Variants in UROC1 observed in about 807,000 individuals in gnomAD.
The protein encoded by UROC1 is urocanate hydratase 1.
A neutral mutation model predicts 89.5 loss-of-function variants in UROC1; 79 were observed. The ratio of observed to expected loss-of-function variants is 0.88; its 90% CI spans 0.74 to 1.06. The LOEUF (loss-of-function observed/expected upper bound fraction) is 1.06, where lower values mean the gene tolerates loss of function less well. Among genes scored for constraint, UROC1 ranks in the 50% least tolerant of loss-of-function variants. The pLI is 0.00. For missense variants in UROC1, 885 were observed against 907.8 expected (o/e 0.97, Z 0.32); for synonymous variants, 361 against 354.8 (o/e 1.02, Z -0.20).
intron 2 of UROC1, among the ~76,000 whole-genome samples, chr3:126,510,339 A>G (rs1397832968): frequency 6.6e-6 from 1 of 152,232 alleles, no homozygotes; most frequent in Non-Finnish European, 1.5e-5. Flanking sequence ...CCTCTGGCAG[A>G]AAAACAAGCC....
intron 9 of UROC1, among the ~76,000 whole-genome samples, chr3:126,503,035 ATG>A (rs145109216): frequency 1.7e-4 from 26 of 150,998 alleles, no homozygotes; most frequent in Admixed American, 4.0e-4. Context: ...GTGTGCGTTT[ATG>A]TGTGTGTGTG....
chr3:126,510,559 T>C, intron 2 of UROC1, 105 bp downstream of exon 2: 1 of 1,533,516 alleles, frequency 6.5e-7, no homozygotes, highest in Non-Finnish European at 8.8e-7. Flanking sequence ...AGACTGGGTT[T>C]CCCCCTCACT....
chr3:126,502,520 GTGT>G (rs1309786356), intron 9 of UROC1, among the ~76,000 whole-genome samples: 1 of 151,324 alleles, frequency 6.6e-6, no homozygotes, highest in Non-Finnish European at 1.5e-5. Flanking sequence ...ATGCATGTGT[GTGT>G]TATGTCTGTA....
At chr3:126,503,859 ATG>A in intron 9 of UROC1, 134 bp downstream of exon 9, 2 of 897,004 alleles carry the variant, frequency 2.2e-6, no homozygotes, top group Non-Finnish European at 1.9e-6. Context: ...ATGTGCATGT[ATG>A]TGTGGTGCCC....
intron 15 of UROC1, among the ~76,000 whole-genome samples, chr3:126,493,757 A>G (rs1021122464): frequency 1.3e-5 from 2 of 152,222 alleles, no homozygotes; most frequent in African/African-American, 4.8e-5. Flanking sequence ...TTTATGTATA[A>G]TTTACCATAA....
chr3:126,510,557 T>A, intron 2 of UROC1, 107 bp downstream of exon 2: 3 of 1,529,342 alleles, frequency 2.0e-6, no homozygotes, highest in South Asian at 2.4e-5. Context: ...ACAGACTGGG[T>A]TTCCCCCTCA....
Position 126,499,300 on chromosome 3 carries a change from C to A in UROC1, c.1316+37G>T, listed in dbSNP as rs759719784. 2.5e-6 allele frequency: 4 copies of A among 1,605,518 alleles called. No homozygotes were observed. In the South Asian group the frequency reaches 4.4e-5, roughly 18 times the overall value. On this transcript the variant is annotated intron_variant, in intron 13 of 19. Coordinates refer to ENST00000290868, the MANE Select transcript of UROC1 (RefSeq NM_144639.3). ...GACCCTGAACGGGGCAGGGGTGGCA[C>A]TGGGCACACTAGATGTGGCAGCCGC...
intron 6 of UROC1, 33 bp from the exon 7 acceptor site, chr3:126,506,044 T>C: frequency 1.2e-6 from 2 of 1,612,970 alleles, no homozygotes; most frequent in Non-Finnish European, 1.7e-6. Context: ...AGCCCAGGGC[T>C]CAGCCAGTGC....
chr3:126,482,589 C>T, intron 19 of UROC1, 104 bp from the exon 20 acceptor site: 1 of 1,565,706 alleles, frequency 6.4e-7, no homozygotes, highest in South Asian at 1.1e-5. Flanking sequence ...ACCTCTGAGG[C>T]TGTCCGTGGG....
At position 126,486,437 on chromosome 3, in the gene UROC1, G is replaced by A. The variant is rs62264726; in HGVS notation, c.1790+1761C>T. Among the ~76,000 whole-genome samples, 991 of 152,356 alleles carry A rather than the reference G, an allele frequency of 6.5e-3. 4 individuals carry two copies. Among genetic ancestry groups the A allele is most frequent in the Middle Eastern group, 0.014 (4 of 294 alleles). Reference sequence around the variant, plus strand: ...CAGATGGCTCTGTCCTGCAGCCTGCGGTCCAAACGTCCACCTGAGCATGCA... The same window carrying A: ...CAGATGGCTCTGTCCTGCAGCCTGCAGTCCAAACGTCCACCTGAGCATGCA... On this transcript the variant is annotated intron_variant, in intron 18 of 19. Coordinates refer to ENST00000290868, the MANE Select transcript of UROC1 (RefSeq NM_144639.3).
chr3:126,493,786 G>T (rs1344933397), intron 15 of UROC1, among the ~76,000 whole-genome samples: 1 of 152,192 alleles, frequency 6.6e-6, no homozygotes, highest in Non-Finnish European at 1.5e-5. Context: ...AATTTGTACA[G>T]CCCCAAATGT....
intron 8 of UROC1, 126 bp downstream of exon 8, chr3:126,505,575 G>C: frequency 6.9e-7 from 1 of 1,458,102 alleles, no homozygotes; most frequent in South Asian, 1.2e-5. Context: ...GAGGAGGCAA[G>C]GGTGGCCTGG....
Position 126,501,259 on chromosome 3 carries a change from C to G in UROC1, c.924G>C (p.Glu308Asp), listed in dbSNP as rs1411880966. 1 of 1,614,150 alleles carries G rather than the reference C, an allele frequency of 6.2e-7. No individual in the cohort carries two copies. Among genetic ancestry groups the G allele is most frequent in the Non-Finnish European group, 8.5e-7 (1 of 1,180,022 alleles). ...QRLREARKKK[E>D]VLSLGYHGNV... The stretch of plus-strand genomic sequence containing the variant: ...TGCCATGGTAACCAAGGCTGAGCAC[C>G]TCCTTTTTTTTCCTTGCTTCCCTGG... Residue 308 changes from glutamate to aspartate, a missense_variant, in exon 10 of 20, where the codon GAG becomes GAC. Coordinates refer to ENST00000290868, the MANE Select transcript of UROC1 (RefSeq NM_144639.3).
chr3:126,496,100 AC>A lies in UROC1; in HGVS notation c.1446del (p.Ser483LeufsTer2). On this transcript the variant is annotated frameshift_variant, in exon 15 of 20. Transcript: ENST00000290868. LOFTEE classifies it high-confidence loss of function. ...LEEAIADGVK[V>X]SVKLQYMDNI... The stretch of plus-strand genomic sequence containing the variant: ...TTGTCCATGTACTGCAGCTTCACAG[AC>A]ACCTTCACTGCAGGAGAGAGGACAG... 2.5e-6 allele frequency: 4 copies of A among 1,613,092 alleles called. No individual in the cohort carries two copies. Among genetic ancestry groups the A allele is most frequent in the Non-Finnish European group, 2.5e-6 (3 of 1,179,866 alleles).
chr3:126,492,007 T>TC (rs1238997821), intron 16 of UROC1, among the ~76,000 whole-genome samples: 24 of 151,974 alleles, frequency 1.6e-4, no homozygotes, highest in Non-Finnish European at 3.2e-4. Context: ...TCCCAGATTA[T>TC]CCCCAGAGGG....
intron 8 of UROC1, among the ~76,000 whole-genome samples, chr3:126,505,325 A>G (rs1375885028): frequency 6.6e-6 from 1 of 152,112 alleles, no homozygotes; most frequent in Non-Finnish European, 1.5e-5. Flanking sequence ...CACCTGTTCA[A>G]GGTGGGGAGT....
intron 14 of UROC1, among the ~76,000 whole-genome samples, chr3:126,497,505 A>G (rs1269685372): frequency 1.3e-5 from 2 of 152,210 alleles, no homozygotes; most frequent in Admixed American, 1.3e-4. Context: ...ACCCTTGTGG[A>G]CCTGGCAGGC....
chr3:126,510,935 C>T (rs1936181773), intron 1 of UROC1, 141 bp from the exon 2 acceptor site: 2 of 1,309,976 alleles, frequency 1.5e-6, no homozygotes, highest in Non-Finnish European at 2.1e-6. Flanking sequence ...AGACTGTTCT[C>T]ACCCCAGGCC....
intron 18 of UROC1, among the ~76,000 whole-genome samples, chr3:126,484,971 G>A (rs1440642874): frequency 2.0e-5 from 3 of 152,200 alleles, no homozygotes; most frequent in Non-Finnish European, 4.4e-5. Flanking sequence ...GACCAAGGCC[G>A]CTCAGCTTCA....
Sources: allele counts gnomAD v4.1 joint callset (sites outside exome capture counted in the v4.1 genomes callset), GRCh38; gene constraint gnomAD v4.1.1; transcripts MANE v1.5; gene names NCBI Gene and HGNC (gene_info 2026-07-23, HGNC 2026-07-21).